DNAH1: variants seen among roughly 807,000 people sequenced by gnomAD.
The protein encoded by DNAH1 is axonemal beta dynein heavy chain 1.
Under a neutral mutation model 484.3 loss-of-function variants are expected in DNAH1, and 327 were observed. The ratio of observed to expected loss-of-function variants is 0.68; its 90% CI spans 0.62 to 0.74. The LOEUF (loss-of-function observed/expected upper bound fraction) is 0.74. DNAH1 is among the 30% of genes least tolerant of loss of function. The pLI, the probability that DNAH1 is intolerant of heterozygous loss-of-function variation, is 0.00. For synonymous variants in DNAH1, 2,192 were observed against 2,191.9 expected, an observed-to-expected ratio of 1.00 and a Z score of 0.00; for missense variants, 5,052 against 5,546.8, an observed-to-expected ratio of 0.91 and a Z score of 2.83.
At position 52,366,987 on chromosome 3, in the gene DNAH1, G is replaced by T. The variant is rs913060835; in HGVS notation, c.5765+100G>T. ...CCCTCCATTAGCCCAGTGGAAGGCC[G>T]GGCTCTGCAGCCCAACGCTTGGGAT... On this transcript the variant is annotated intron_variant, in intron 36 of 77. Transcript: ENST00000420323. 4.3e-6 allele frequency: 6 copies of T among 1,404,960 alleles called. No homozygotes were observed. In the East Asian group the frequency reaches 1.4e-4, roughly 33 times the overall value. The allele number at this position is 1,404,960 out of a possible 1,614,324, so 87.0% of individuals were successfully genotyped here.
chr3:52,370,666 G>A (rs1411671953), intron 40 of DNAH1, 31 bp downstream of exon 40: 1 of 1,602,118 alleles, frequency 6.2e-7, no homozygotes, highest in Non-Finnish European at 8.5e-7. Context: ...GGGACCAGGA[G>A]CCTCAGTCCT....
chr3:52,382,176 C>T (rs888236287), intron 49 of DNAH1, 144 bp from the exon 50 acceptor site: 22 of 1,324,088 alleles, frequency 1.7e-5, no homozygotes, highest in African/African-American at 1.0e-4. Flanking sequence ...GGCAAAAAAG[C>T]AGGTTCAGGG....
At position 52,374,177 on chromosome 3, in the gene DNAH1, A is replaced by G. The variant is rs138276682; in HGVS notation, c.6986-1063A>G. 6,200 of 1,287,594 alleles carry G rather than the reference A, an allele frequency of 4.8e-3. 20 individuals are homozygous for G. The highest frequency in any genetic ancestry group is 6.6e-3 in the Non-Finnish European group (5,793 of 884,276). 79.8% of individuals were successfully genotyped at this position (1,287,594 alleles called of 1,614,324 possible). A position where few individuals can be genotyped will look rare whatever the true frequency, so the allele number is the denominator to read the frequency against. On this transcript the variant is annotated intron_variant, in intron 44 of 77. Transcript: ENST00000420323. ...TTACATCAGAAAACAGATAAATAAT[A>G]TATTTTATAGGTTTATTTATGAAAC...
In DNAH1 at chr3:52,399,198, C is replaced by T; in HGVS notation, c.12438C>T (p.Phe4146=). 1 of 1,604,310 alleles carries T rather than the reference C, an allele frequency of 6.2e-7. No individual in the cohort carries two copies. Among genetic ancestry groups the T allele is most frequent in the East Asian group, 2.2e-5 (1 of 44,816 alleles). ...VISIDTISFD[F]KVMFEAPSEL... ...CCATTGACACCATCTCCTTTGATTT[C>T]AAGGTCTGGGCACAGCCAGGGCCAG... Residue 4146 remains phenylalanine (F), a synonymous_variant, in exon 76 of 78, where the codon TTC becomes TTT. Transcript: ENST00000420323.
At chr3:52,328,585 T>C (rs1167220984) in intron 6 of DNAH1, among the ~76,000 whole-genome samples, 2 of 152,262 alleles carry the variant, frequency 1.3e-5, no homozygotes, top group Admixed American at 1.3e-4. Flanking sequence ...CCATGCCCAC[T>C]TGATGCCACA....
rs1215302187 is a variant in DNAH1, at chr3:52,343,924, G to T, written c.1287-566G>T. On this transcript the variant is annotated intron_variant, in intron 8 of 77. Transcript: ENST00000420323. ...GGGGTCTGCCTATGTGAGGACGGGG[G>T]AGATGGTGTGCACGCTCACCCCAGG... Among the ~76,000 whole-genome samples the T allele has an allele frequency of 2.0e-5, 3 of 152,146 alleles. No homozygotes were observed. The East Asian group carries it at 5.8e-4, about 29-fold the overall frequency.
In DNAH1 at chr3:52,359,296, T is replaced by C. The variant is rs1702752722; in HGVS notation, c.4317T>C (p.Ala1439=). The C allele has an allele frequency of 6.4e-7, 1 of 1,569,366 alleles. No homozygotes were observed. Among genetic ancestry groups the C allele is most frequent in the East Asian group, 2.4e-5 (1 of 42,376 alleles). The change falls in exon 26 of 78, where the codon GCT becomes GCC. Residue 1439 remains alanine, a synonymous_variant. Transcript: ENST00000420323. Reference sequence around the variant, plus strand: ...ACTGGCCTGGCCAGGTGACCATCGCTGGGTGCCAGACCTACTGGACCATGG... The same window carrying C: ...ACTGGCCTGGCCAGGTGACCATCGCCGGGTGCCAGACCTACTGGACCATGG... ...VLNWPGQVTI[A]GCQTYWTMEV... is the part of the protein sequence containing the mutation.
chr3:52,372,947 C>T lies in DNAH1; in HGVS notation c.6879C>T (p.Ile2293=), dbSNP rs1232241335. ...PPLGRNFIFF[I]DDLNMPALET... ...TGGGGCGCAACTTTATCTTCTTCAT[C>T]GATGACCTGAACATGCCGGCCCTGG... Residue 2293 remains isoleucine (I), a synonymous_variant, in exon 44 of 78, where the codon ATC becomes ATT. Coordinates refer to ENST00000420323, the MANE Select transcript of DNAH1 (RefSeq NM_015512.5). The T allele has an allele frequency of 3.7e-6, 6 of 1,613,714 alleles. No homozygotes were observed. Among genetic ancestry groups the T allele is most frequent in the Admixed American group, 3.3e-5 (2 of 60,000 alleles).
intron 17 of DNAH1, 50 bp downstream of exon 17, chr3:52,352,153 A>T (rs1578124239): frequency 6.5e-7 from 1 of 1,547,076 alleles, no homozygotes; most frequent in Non-Finnish European, 8.7e-7. Flanking sequence ...CACCACACGC[A>T]CGCACAGTTC....
intron 32 of DNAH1, 127 bp downstream of exon 32, chr3:52,363,271 C>A (rs1182368378): frequency 1.6e-5 from 20 of 1,257,368 alleles, no homozygotes; most frequent in Non-Finnish European, 5.5e-6. Context: ...CGGCTTCTCC[C>A]AGCAACCCTT....
chr3:52,386,200 A>G lies in DNAH1; in HGVS notation c.8666A>G (p.Gln2889Arg), dbSNP rs1457575574. The change falls in exon 55 of 78, where the codon CAG (glutamine) becomes CGG (arginine). Residue 2889 changes from glutamine (Q) to arginine (R), a missense_variant. By Grantham distance (43) the Gln-to-Arg change is conservative. Transcript: ENST00000420323. ...AIAEETRNSV[Q>R]TEEIKANEKA... ...GCCGAGGAGACCCGGAATTCAGTGC[A>G]GACAGAGGAGATCAAAGCCAATGAG... 7 of 1,613,746 alleles carry G rather than the reference A, an allele frequency of 4.3e-6. No homozygotes were observed. Among genetic ancestry groups the G allele is most frequent in the Non-Finnish European group, 8.5e-7 (1 of 1,179,856 alleles).
At chr3:52,351,851 A>G in intron 16 of DNAH1, 111 bp from the exon 17 acceptor site, 1 of 1,312,552 alleles carries the variant, frequency 7.6e-7, no homozygotes, top group South Asian at 1.4e-5. Flanking sequence ...TTTCCCCTGA[A>G]CCCCTTCTCA....
In DNAH1 at chr3:52,395,808, C is replaced by T; in HGVS notation, c.11259+130C>T. The T allele has an allele frequency of 7.7e-7, 1 of 1,303,290 alleles. No individual in the cohort carries two copies. Among genetic ancestry groups the T allele is most frequent in the Non-Finnish European group, 1.1e-6 (1 of 946,832 alleles). The allele number at this position is 1,303,290 out of a possible 1,614,324, so 80.7% of individuals were successfully genotyped here. Reference sequence around the variant, plus strand: ...CTAGCACGTGGCAAGTGCTCAGCAACTGACATGTGCCACACATCGACATCA... The same window carrying T: ...CTAGCACGTGGCAAGTGCTCAGCAATTGACATGTGCCACACATCGACATCA... On this transcript the variant is annotated intron_variant, in intron 70 of 77. Coordinates refer to ENST00000420323, the MANE Select transcript of DNAH1 (RefSeq NM_015512.5). The surrounding 1 kb of genome is among the most constrained non-coding windows in gnomAD (Gnocchi z 4.4).
At chr3:52,311,976 C>T (rs1356230103), upstream of DNAH1, among the ~76,000 whole-genome samples, 3 of 152,246 alleles carry the variant, frequency 2.0e-5, no homozygotes, top group East Asian at 1.9e-4. Flanking sequence ...TGCTGACCAC[C>T]GCCCCCCCAA....
At chr3:52,313,513 C>T (rs956771225), upstream of DNAH1, among the ~76,000 whole-genome samples, 5 of 152,200 alleles carry the variant, frequency 3.3e-5, no homozygotes, top group African/African-American at 1.2e-4. Flanking sequence ...GGTGAGGCCC[C>T]TCCTTTCTTG....
At chr3:52,326,110 T>C (rs1231937302) in intron 3 of DNAH1, 30 bp from the exon 4 acceptor site, 2 of 1,531,978 alleles carry the variant, frequency 1.3e-6, no homozygotes, top group Admixed American at 2.0e-5. Context: ...GCCTGAGCCC[T>C]GAAGCCCCTG....
At chr3:52,385,729 T>A (rs1163891225) in intron 54 of DNAH1, among the ~76,000 whole-genome samples, 1 of 152,216 alleles carries the variant, frequency 6.6e-6, no homozygotes, top group Non-Finnish European at 1.5e-5. Flanking sequence ...CAGGGCCCCA[T>A]GTTGGAGGGC....
In DNAH1 at chr3:52,389,287, G is replaced by A. The variant is rs182056180; in HGVS notation, c.9496-174G>A. ...TAGCTTTGCCCGTTTCACAGATGAA[G>A]GGCTGAGGTTTGTGGAGGCCAAGAA... On this transcript the variant is annotated intron_variant, in intron 59 of 77. Coordinates refer to ENST00000420323, the MANE Select transcript of DNAH1 (RefSeq NM_015512.5). Among the ~76,000 whole-genome samples, 9 of 152,260 alleles carry A rather than the reference G, an allele frequency of 5.9e-5. No individual in the cohort carries two copies. The East Asian group carries it at 1.7e-3, about 29-fold the overall frequency.
At position 52,369,883 on chromosome 3, in the gene DNAH1, C is replaced by T. The variant is rs772200369; in HGVS notation, c.6002C>T (p.Ser2001Phe). Residue 2001 changes from serine to phenylalanine, a missense_variant, in exon 38 of 78, where the codon TCC becomes TTC. Physicochemically the swap from Ser to Phe is radical, Grantham distance 155 (BLOSUM62 -2). This residue lies in a region of DNAH1 where 2,929 missense variants were observed against 3,409.4 expected (regional missense o/e 0.86). Transcript: ENST00000420323. ...GCGGTGGCTTCACCAGCTACAGTCT[C>T]CCGCTGTGGCATGGTGTACCTGGAG... Reference protein sequence around the residue: ...DLAVASPATVSRCGMVYLEPS... With the variant: ...DLAVASPATVFRCGMVYLEPS... The T allele has an allele frequency of 1.9e-6, 3 of 1,613,740 alleles. No individual in the cohort carries two copies. Among genetic ancestry groups the T allele is most frequent in the East Asian group, 2.2e-5 (1 of 44,892 alleles).
Sources: gnomAD v4.1 joint callset for allele counts (sites outside exome capture counted in the v4.1 genomes callset) on GRCh38, gnomAD v4.1.1 for gene constraint, gnomAD v4.1.1 regional missense constraint, Gnocchi (gnomAD v3.1) non-coding constraint, MANE v1.5 for transcripts, NCBI Gene and HGNC (gene_info 2026-07-23, HGNC 2026-07-21) for gene names.